Variants in BSN observed in about 807,000 individuals in gnomAD.
BSN encodes the protein protein bassoon.
A neutral mutation model predicts 264.8 loss-of-function variants in BSN; 57 were observed. The observed-to-expected ratio is 0.22, with a 90% CI of 0.17 to 0.27. BSN has a LOEUF of 0.27. BSN is among the 10% of genes least tolerant of loss of function. The pLI, the probability that BSN is intolerant of heterozygous loss-of-function variation, is 1.00. For missense variants in BSN, 4,615 were observed against 5,232.5 expected (o/e 0.88, Z 3.64); for synonymous variants, 2,059 against 2,137.3 (o/e 0.96, Z 1.01).
Position 49,585,139 on chromosome 3 carries a change from C to A in BSN, c.224+30313C>A, listed in dbSNP as rs1053833417. Among the ~76,000 whole-genome samples the A allele has an allele frequency of 6.6e-6, 1 of 151,864 alleles. No homozygotes were observed. The highest frequency in any genetic ancestry group is 2.4e-5 in the African/African-American group (1 of 41,328). On this transcript the variant is annotated intron_variant, in intron 1 of 11. Transcript: ENST00000296452. This position sits in a 1 kb window ranked among gnomAD's most constrained non-coding sequence, Gnocchi z 4.7. ...TCTCTTCAATATATTGATTTCCTTT[C>A]TTTTGGGTGGATACCCAGTGGTGGG... is the stretch of plus-strand genomic sequence containing the variant.
intron 1 of BSN, among the ~76,000 whole-genome samples, chr3:49,604,118 C>T (rs1361535021): frequency 1.3e-5 from 2 of 151,714 alleles, no homozygotes; most frequent in Non-Finnish European, 2.9e-5. Context: ...GAGATGGGGT[C>T]TCACTATGTT....
At chr3:49,571,845 G>A (rs2051798556) in intron 1 of BSN, among the ~76,000 whole-genome samples, 2 of 152,214 alleles carry the variant, frequency 1.3e-5, no homozygotes, top group Non-Finnish European at 2.9e-5. Context: ...GTGGGTTTAG[G>A]CATAAGGGAT....
intron 1 of BSN, among the ~76,000 whole-genome samples, chr3:49,612,571 A>C (rs1442977030): frequency 6.6e-6 from 1 of 152,222 alleles, no homozygotes; most frequent in Non-Finnish European, 1.5e-5. Context: ...ATATGCGGAT[A>C]AGCTTAGGGA....
intron 1 of BSN, among the ~76,000 whole-genome samples, chr3:49,570,049 G>A (rs1343744698): frequency 6.6e-6 from 1 of 152,196 alleles, no homozygotes; most frequent in Non-Finnish European, 1.5e-5. Context: ...CTGGACTTAG[G>A]GATCAGGATG....
At chr3:49,665,585 C>T (rs1272142247) in intron 11 of BSN, among the ~76,000 whole-genome samples, 1 of 152,228 alleles carries the variant, frequency 6.6e-6, no homozygotes, top group Non-Finnish European at 1.5e-5. Flanking sequence ...ATGTGCTGGG[C>T]ACTGAGTTCA....
intron 1 of BSN, among the ~76,000 whole-genome samples, chr3:49,607,364 G>T (rs368893457): frequency 1.3e-5 from 2 of 152,230 alleles, no homozygotes; most frequent in Non-Finnish European, 2.9e-5. Context: ...TGTTGGCTCA[G>T]TCTGGCCCAG....
At chr3:49,567,904 G>A (rs1289721383) in intron 1 of BSN, among the ~76,000 whole-genome samples, 1 of 152,166 alleles carries the variant, frequency 6.6e-6, no homozygotes, top group African/African-American at 2.4e-5. Flanking sequence ...TTTGAGAGTC[G>A]ATGCTGGCTG....
intron 3 of BSN, among the ~76,000 whole-genome samples, chr3:49,648,435 T>C (rs1486110852): frequency 6.6e-6 from 1 of 152,238 alleles, no homozygotes; most frequent in Non-Finnish European, 1.5e-5. Flanking sequence ...GGGAAGGGGC[T>C]GTTTGATCAT....
chr3:49,613,575 A>C (rs1031452624), intron 1 of BSN, among the ~76,000 whole-genome samples: 1 of 151,350 alleles, frequency 6.6e-6, no homozygotes, highest in Non-Finnish European at 1.5e-5. Context: ...GCTCACTGCA[A>C]CCTCCACCTC....
Position 49,654,482 on chromosome 3 carries a change from G to A in BSN, c.4926G>A (p.Leu1642=), listed in dbSNP as rs2108084962. The change falls in exon 5 of 12, where the codon CTG becomes CTA. Residue 1642 remains leucine (L), a synonymous_variant. Transcript: ENST00000296452. The surrounding 1 kb of genome is among the most constrained non-coding windows in gnomAD (Gnocchi z 4.1). ...CCCTCCCTGCTGAGAACATCTCCCT[G>A]TGCCGGATCTCCTCTGTCCCTGGGA... ...WGALPAENIS[L]CRISSVPGTS... The A allele has an allele frequency of 1.9e-6, 3 of 1,610,326 alleles. No homozygotes were observed. The highest frequency in any genetic ancestry group is 4.5e-5 in the East Asian group (2 of 44,862).
At chr3:49,587,317 T>C (rs2051944294) in intron 1 of BSN, among the ~76,000 whole-genome samples, 1 of 152,226 alleles carries the variant, frequency 6.6e-6, no homozygotes. Context: ...TTGTGGCATC[T>C]TCCAGTTTTT....
chr3:49,601,671 G>C (rs1209949053), intron 1 of BSN, among the ~76,000 whole-genome samples: 1 of 152,236 alleles, frequency 6.6e-6, no homozygotes, highest in Non-Finnish European at 1.5e-5. Flanking sequence ...CGCTTTCAGA[G>C]TGAAGGCTGA....
At chr3:49,647,004 C>T (rs1463374060) in intron 3 of BSN, among the ~76,000 whole-genome samples, 1 of 152,202 alleles carries the variant, frequency 6.6e-6, no homozygotes, top group East Asian at 1.9e-4. Flanking sequence ...CCTGGGCATC[C>T]TTTTCTCTGG....
intron 1 of BSN, among the ~76,000 whole-genome samples, chr3:49,606,135 C>CGT (rs1559603416): frequency 1.9e-4 from 4 of 21,252 alleles, no homozygotes; most frequent in Non-Finnish European, 3.3e-4. Flanking sequence ...ATTATATATA[C>CGT]ATATATTATA....
At position 49,655,417 on chromosome 3, in the gene BSN, C is replaced by T. The variant is rs1575449522; in HGVS notation, c.5861C>T (p.Thr1954Ile). ...PRDPEPPEPP[T>I]YRAQGVVGPG... ...GACCCTGAGCCTCCTGAGCCCCCAA[C>T]CTACCGGGCACAGGGGGTGGTGGGG... is the stretch of plus-strand genomic sequence containing the variant. Residue 1954 changes from threonine (T) to isoleucine (I), a missense_variant, in exon 5 of 12, where the codon ACC (threonine) becomes ATC (isoleucine). Thr to Ile is a moderately conservative substitution (Grantham distance 89). Coordinates refer to ENST00000296452, the MANE Select transcript of BSN (RefSeq NM_003458.4). The T allele has an allele frequency of 2.5e-6, 4 of 1,570,100 alleles. 1 individual carries two copies. In the South Asian group the frequency reaches 3.6e-5, roughly 14 times the overall value.
intron 3 of BSN, among the ~76,000 whole-genome samples, chr3:49,644,282 C>T (rs776284528): frequency 3.9e-5 from 6 of 152,174 alleles, no homozygotes; most frequent in Admixed American, 6.5e-5. Flanking sequence ...CAGGGGTGTG[C>T]GGAGTGCAAA....
In BSN at chr3:49,653,552, C is replaced by T. The variant is rs375015080; in HGVS notation, c.3996C>T (p.Ser1332=). The part of the protein sequence containing the change: ...SFSTPTSSDS[S]GGRVIPDVRV... ...CTACCCCCACCTCCTCAGACAGCAG[C>T]GGGGGCCGAGTTATTCCCGATGTCC... is the stretch of plus-strand genomic sequence containing the variant. The change falls in exon 5 of 12, where the codon AGC becomes AGT. Residue 1332 remains serine (S), a synonymous_variant. Transcript: ENST00000296452. This position sits in a 1 kb window ranked among gnomAD's most constrained non-coding sequence, Gnocchi z 6.3. 6.1e-5 allele frequency: 98 copies of T among 1,613,800 alleles called. No individual in the cohort carries two copies. The highest frequency in any genetic ancestry group is 7.0e-5 in the Non-Finnish European group (83 of 1,179,988).
chr3:49,653,508 G>C lies in BSN; in HGVS notation c.3952G>C (p.Ala1318Pro). The change falls in exon 5 of 12, where the codon GCT (alanine) becomes CCT (proline). Residue 1318 changes from alanine to proline, a missense_variant. Physicochemically the swap from Ala to Pro is conservative, Grantham distance 27 (BLOSUM62 -1). Around this residue, in one of 3 missense-constraint regions of BSN, gnomAD observed 3,415 missense variants for 3,866.4 expected, o/e 0.88. Coordinates refer to ENST00000296452, the MANE Select transcript of BSN (RefSeq NM_003458.4). This position sits in a 1 kb window ranked among gnomAD's most constrained non-coding sequence, Gnocchi z 6.3. Reference protein sequence around the residue: ...LTPGTSPTQLAAPVSFSTPTS... With the variant: ...LTPGTSPTQLPAPVSFSTPTS... ...CCCTGGTACCAGTCCCACCCAGCTCGCTGCCCCTGTGTCCTTCTCTACCCC... is the reference window on the plus strand; with the variant it reads ...CCCTGGTACCAGTCCCACCCAGCTCCCTGCCCCTGTGTCCTTCTCTACCCC... 3 of 1,613,712 alleles carry C rather than the reference G, an allele frequency of 1.9e-6. No individual in the cohort carries two copies. The highest frequency in any genetic ancestry group is 2.5e-6 in the Non-Finnish European group (3 of 1,179,856).
rs72936024 is a variant in BSN, at chr3:49,629,753, C to T, written c.633+4370C>T. ...CCCCTGTGGGGAGCAGCAGGGCTGC[C>T]ACCCCATCCCCAGCCTTCCAGGCCA... On this transcript the variant is annotated intron_variant, in intron 2 of 11. Transcript: ENST00000296452. Among the ~76,000 whole-genome samples, 953 of 152,358 alleles carry T rather than the reference C, an allele frequency of 6.3e-3. 14 individuals carry two copies. The highest frequency in any genetic ancestry group is 0.022 in the African/African-American group (903 of 41,588).
Sources: allele counts gnomAD v4.1 joint callset (sites outside exome capture counted in the v4.1 genomes callset), GRCh38; gene constraint gnomAD v4.1.1; regional missense constraint gnomAD v4.1.1; non-coding constraint Gnocchi (gnomAD v3.1); transcripts MANE v1.5; gene names NCBI Gene and HGNC (gene_info 2026-07-23, HGNC 2026-07-21).